DCDC1: variants seen among roughly 807,000 people sequenced by gnomAD.
The protein encoded by DCDC1 is doublecortin domain containing 1.
Under a neutral mutation model 178.3 loss-of-function variants are expected in DCDC1, and 200 were observed. The observed-to-expected ratio is 1.12, with a 90% CI of 1.00 to 1.26. The LOEUF (loss-of-function observed/expected upper bound fraction) is 1.26. DCDC1 is among the 50% of genes most tolerant of loss of function. DCDC1 has a pLI of 0.00. For synonymous variants in DCDC1, 690 were observed against 604.8 expected, an observed-to-expected ratio of 1.14 and a Z score of -2.07; for missense variants, 1,983 against 1,749.2, an observed-to-expected ratio of 1.13 and a Z score of -2.38.
intron 22 of DCDC1, among the ~76,000 whole-genome samples, chr11:30,929,884 C>T (rs1010272434): frequency 1.3e-5 from 2 of 152,028 alleles, no homozygotes; most frequent in Middle Eastern, 3.4e-3. Context: ...GAGTAATAAC[C>T]GACTAAGTAA....
rs1272219518 is a variant in DCDC1 at position 31,327,202 on chromosome 11, CTT to C, written c.164+913_164+914del. ...TTTGTTTTTTAGACAGAGTTTCGCTCTTGTTACCCAGGCTGGAGTGCAATGGC... is the reference window on the plus strand; with the variant it reads ...TTTGTTTTTTAGACAGAGTTTCGCTCGTTACCCAGGCTGGAGTGCAATGGC... On this transcript the variant is annotated intron_variant, in intron 3 of 38. Transcript: ENST00000684477. 2.0e-5 allele frequency among the ~76,000 whole-genome samples: 3 copies of C among 152,124 alleles called. No homozygotes were observed. The South Asian group carries it at 6.2e-4, about 31-fold the overall frequency.
chr11:31,147,091 G>A (rs1964530381), intron 9 of DCDC1, among the ~76,000 whole-genome samples: 1 of 152,124 alleles, frequency 6.6e-6, no homozygotes, highest in African/African-American at 2.4e-5. Flanking sequence ...GCTACACCCT[G>A]CAGAAGGAGC....
intron 9 of DCDC1, among the ~76,000 whole-genome samples, chr11:31,224,919 C>G (rs1298203426): frequency 6.6e-6 from 1 of 152,096 alleles, no homozygotes; most frequent in Non-Finnish European, 1.5e-5. Context: ...GTAATGTAAA[C>G]TAGTACAATG....
At chr11:31,306,836 A>T (rs1233320031) in intron 4 of DCDC1, among the ~76,000 whole-genome samples, 1 of 152,112 alleles carries the variant, frequency 6.6e-6, no homozygotes, top group Non-Finnish European at 1.5e-5. Context: ...TAACTTTTTT[A>T]AAAAATGTTT....
intron 9 of DCDC1, among the ~76,000 whole-genome samples, chr11:31,189,900 T>C (rs1005923287): frequency 6.6e-6 from 1 of 152,194 alleles, no homozygotes; most frequent in Non-Finnish European, 1.5e-5. Flanking sequence ...GTTTGAGAAA[T>C]GAGAACATGA....
At chr11:31,083,811 T>C (rs1265666569) in intron 17 of DCDC1, among the ~76,000 whole-genome samples, 1 of 152,236 alleles carries the variant, frequency 6.6e-6, no homozygotes, top group Non-Finnish European at 1.5e-5. Flanking sequence ...TGCATGTGTG[T>C]GCAAGTGTTT....
intron 9 of DCDC1, among the ~76,000 whole-genome samples, chr11:31,142,911 A>G (rs1004990719): frequency 6.6e-6 from 1 of 152,092 alleles, no homozygotes; most frequent in Non-Finnish European, 1.5e-5. Flanking sequence ...AGCTGTGGGC[A>G]AGGAGGGTAT....
At chr11:31,155,675 G>A (rs1000029333) in intron 9 of DCDC1, among the ~76,000 whole-genome samples, 2 of 152,206 alleles carry the variant, frequency 1.3e-5, no homozygotes, top group African/African-American at 4.8e-5. Context: ...AGTATGACAA[G>A]CATAAAAAGA....
At chr11:31,207,777 TC>T (rs1180280010) in intron 9 of DCDC1, among the ~76,000 whole-genome samples, 1 of 152,194 alleles carries the variant, frequency 6.6e-6, no homozygotes, top group Non-Finnish European at 1.5e-5. Flanking sequence ...TTCTACTTTT[TC>T]CCATTCCCTT....
chr11:31,129,822 T>G (rs781368422), intron 10 of DCDC1, among the ~76,000 whole-genome samples: 70 of 152,072 alleles, frequency 4.6e-4, no homozygotes, highest in Non-Finnish European at 9.6e-4. Flanking sequence ...TTAAACCACC[T>G]AGCTGCTCCT....
chr11:31,165,787 G>T (rs1338849721), intron 9 of DCDC1, among the ~76,000 whole-genome samples: 1 of 152,146 alleles, frequency 6.6e-6, no homozygotes, highest in East Asian at 1.9e-4. Context: ...TGATGAGGAG[G>T]TTGTAGTGCT....
intron 11 of DCDC1, among the ~76,000 whole-genome samples, chr11:31,119,562 A>T (rs535661903): frequency 6.6e-6 from 1 of 152,332 alleles, no homozygotes; most frequent in African/African-American, 2.4e-5. Context: ...CAACCAAAAA[A>T]AATCTTGTCA....
At chr11:31,341,853 T>G (rs1950568332) in intron 1 of DCDC1, among the ~76,000 whole-genome samples, 1 of 119,428 alleles carries the variant, frequency 8.4e-6, no homozygotes, top group Non-Finnish European at 1.8e-5. Context: ...ACATTTTTTT[T>G]GGTCTGTTTC....
At chr11:31,065,575 G>A (rs1956199529) in intron 18 of DCDC1, among the ~76,000 whole-genome samples, 1 of 152,282 alleles carries the variant, frequency 6.6e-6, no homozygotes, top group African/African-American at 2.4e-5. Context: ...GAATGAAAGA[G>A]CTGCATTAAG....
At chr11:30,914,842 T>C (rs1360140341) in intron 27 of DCDC1, among the ~76,000 whole-genome samples, 1 of 152,178 alleles carries the variant, frequency 6.6e-6, no homozygotes, top group Admixed American at 6.5e-5. Flanking sequence ...ATCAGGACTT[T>C]TTTTTTAACA....
At chr11:31,248,427 T>C (rs72888105) in intron 8 of DCDC1, among the ~76,000 whole-genome samples, 3 of 152,196 alleles carry the variant, frequency 2.0e-5, no homozygotes, top group Non-Finnish European at 4.4e-5. Flanking sequence ...CACTGTTACA[T>C]TGTACAGTCA....
At chr11:31,305,813 C>T in intron 5 of DCDC1, 36 bp from the exon 6 acceptor site, 1 of 1,601,710 alleles carries the variant, frequency 6.2e-7, no homozygotes, top group Non-Finnish European at 8.5e-7. Context: ...AAGTGATTTA[C>T]TACAAAGAAA....
intron 1 of DCDC1, among the ~76,000 whole-genome samples, chr11:31,368,681 T>C (rs932455766): frequency 2.6e-5 from 4 of 152,228 alleles, no homozygotes; most frequent in Admixed American, 2.0e-4. Context: ...TTATTTATTC[T>C]GCTTAAGTTT....
chr11:31,070,956 A>G (rs2135522755), intron 18 of DCDC1, among the ~76,000 whole-genome samples: 2 of 152,336 alleles, frequency 1.3e-5, no homozygotes, highest in Middle Eastern at 3.4e-3. Flanking sequence ...TACAATGATC[A>G]GGCATGTTTT....
Sources: allele counts gnomAD v4.1 joint callset (sites outside exome capture counted in the v4.1 genomes callset), GRCh38; gene constraint gnomAD v4.1.1; transcripts MANE v1.5; gene names NCBI Gene and HGNC (gene_info 2026-07-23, HGNC 2026-07-21).